RPTOR: variants seen among roughly 807,000 people sequenced by gnomAD.
RPTOR encodes the protein regulatory-associated protein of mTOR.
Under a neutral mutation model 169.9 loss-of-function variants are expected in RPTOR, and 21 were observed. The ratio of observed to expected loss-of-function variants is 0.12; its 90% CI spans 0.09 to 0.18. The LOEUF (loss-of-function observed/expected upper bound fraction) is 0.18, where lower values mean the gene tolerates loss of function less well. Ranked by LOEUF, RPTOR falls within the 10% of genes least tolerant of loss-of-function variation. The pLI, the probability that RPTOR is intolerant of heterozygous loss-of-function variation, is 1.00. For missense variants in RPTOR, 1,133 were observed against 1,855.9 expected, an observed-to-expected ratio of 0.61 and a Z score of 7.16; for synonymous variants, 732 against 753.2, an observed-to-expected ratio of 0.97 and a Z score of 0.46.
chr17:80,803,304 T>C lies in RPTOR; in HGVS notation c.890+11795T>C, dbSNP rs1026082261. On this transcript the variant is annotated intron_variant, in intron 7 of 33. Transcript: ENST00000306801. The surrounding 1 kb of genome is among the most constrained non-coding windows in gnomAD (Gnocchi z 6.2). ...CTTCTGGAAACCGAGGCAAGGGAGG[T>C]GGAGAGACTTGCTCAGGGTCACAGA... is the stretch of plus-strand genomic sequence containing the variant. 1 of 151,908 alleles carries C rather than the reference T, an allele frequency of 6.6e-6. No individual in the cohort carries two copies. The highest frequency in any genetic ancestry group is 1.5e-5 in the Non-Finnish European group (1 of 68,046). The allele number at this position is 151,908 out of a possible 1,614,324, so 9.4% of individuals were successfully genotyped here.
rs1274579844 is a variant in RPTOR at position 80,633,959 on chromosome 17, G to T, written c.265+8166G>T. Among the ~76,000 whole-genome samples, 2 of 152,188 alleles carry T rather than the reference G, an allele frequency of 1.3e-5. No individual in the cohort carries two copies. Among genetic ancestry groups the T allele is most frequent in the Non-Finnish European group, 2.9e-5 (2 of 68,032 alleles). ...GCCTCATTCCTCTTAGTGGAATGTG[G>T]TGTTAGAAACTGAGATCTGGGTGCC... On this transcript the variant is annotated intron_variant, in intron 2 of 33. Coordinates refer to ENST00000306801, the MANE Select transcript of RPTOR (RefSeq NM_020761.3). The surrounding 1 kb of genome is among the most constrained non-coding windows in gnomAD (Gnocchi z 4.1).
rs564749599 is a variant in RPTOR, at chr17:80,633,983, C to T, written c.265+8190C>T. Among the ~76,000 whole-genome samples, 41 of 152,228 alleles carry T rather than the reference C, an allele frequency of 2.7e-4. No individual in the cohort carries two copies. The highest frequency in any genetic ancestry group is 9.4e-4 in the African/African-American group (39 of 41,550). On this transcript the variant is annotated intron_variant, in intron 2 of 33. Coordinates refer to ENST00000306801, the MANE Select transcript of RPTOR (RefSeq NM_020761.3). The surrounding 1 kb of genome is among the most constrained non-coding windows in gnomAD (Gnocchi z 4.1). ...GGTGTTAGAAACTGAGATCTGGGTG[C>T]CAGGTGTTCTCTTTGAACTGGCGTG... is the stretch of plus-strand genomic sequence containing the variant.
chr17:80,818,386 A>G (rs961338159), intron 7 of RPTOR, among the ~76,000 whole-genome samples: 7 of 152,176 alleles, frequency 4.6e-5, no homozygotes, highest in Non-Finnish European at 8.8e-5. Context: ...CTAGAATGAA[A>G]CATGGTCTGA....
intron 2 of RPTOR, among the ~76,000 whole-genome samples, chr17:80,638,505 G>A (rs111854658): frequency 0.012 from 1,769 of 148,820 alleles, 37 homozygotes; most frequent in African/African-American, 0.042. Flanking sequence ...GGACTCAAGC[G>A]ATCCTCCCAC....
In RPTOR at chr17:80,880,284, A is replaced by G. The variant is rs951525367; in HGVS notation, c.1510-131A>G. Reference sequence around the variant, plus strand: ...GGCTGCAGCTGTTTTTCAAATGAAAACTGGGCTTGAAAGGAGGAAATAATT... The same window carrying G: ...GGCTGCAGCTGTTTTTCAAATGAAAGCTGGGCTTGAAAGGAGGAAATAATT... On this transcript the variant is annotated intron_variant, in intron 13 of 33. Coordinates refer to ENST00000306801, the MANE Select transcript of RPTOR (RefSeq NM_020761.3). 6.5e-6 allele frequency: 5 copies of G among 766,486 alleles called. No individual in the cohort carries two copies. The Admixed American group carries it at 1.0e-4, about 15-fold the overall frequency. The allele number at this position is 766,486 out of a possible 1,614,324, so 47.5% of individuals were successfully genotyped here.
At position 80,923,533 on chromosome 17, in the gene RPTOR, A is replaced by G. The variant is rs777941330; in HGVS notation, c.2668A>G (p.Asn890Asp). The G allele has an allele frequency of 1.9e-6, 3 of 1,613,304 alleles. No individual in the cohort carries two copies. The Admixed American group carries it at 5.0e-5, about 27-fold the overall frequency. The stretch of plus-strand genomic sequence containing the variant: ...CAGCACCAGCAGCTCCAGCCTGACC[A>G]ACGATGTGGCCAAGCAGCCGGTCAG... Reference protein sequence around the residue: ...ASSTSSSSLTNDVAKQPVSRD... With the variant: ...ASSTSSSSLTDDVAKQPVSRD... The change falls in exon 23 of 34, where the codon AAC (asparagine) becomes GAC (aspartate). Residue 890 changes from asparagine (N) to aspartate (D), a missense_variant. Asn to Asp is a conservative substitution (Grantham distance 23). This residue lies in a region of RPTOR where 123 missense variants were observed against 129.0 expected (regional missense o/e 0.95). Coordinates refer to ENST00000306801, the MANE Select transcript of RPTOR (RefSeq NM_020761.3).
At chr17:80,897,823 G>T (rs1484699364) in intron 20 of RPTOR, among the ~76,000 whole-genome samples, 1 of 152,204 alleles carries the variant, frequency 6.6e-6, no homozygotes, top group Non-Finnish European at 1.5e-5. Flanking sequence ...AATTCGGGCA[G>T]CAGAGGTTGC....
chr17:80,550,150 A>G (rs553423243), intron 1 of RPTOR, among the ~76,000 whole-genome samples: 2 of 152,244 alleles, frequency 1.3e-5, no homozygotes, highest in Admixed American at 1.3e-4. Context: ...CGTCCTCTCC[A>G]CATTCCAACT....
intron 4 of RPTOR, among the ~76,000 whole-genome samples, chr17:80,722,162 T>C (rs1462072326): frequency 6.6e-6 from 1 of 151,244 alleles, no homozygotes; most frequent in East Asian, 1.9e-4. Flanking sequence ...GGCACGTTCT[T>C]GGCATGTTGC....
intron 1 of RPTOR, among the ~76,000 whole-genome samples, chr17:80,583,417 C>T (rs1312851106): frequency 6.6e-6 from 1 of 152,146 alleles, no homozygotes; most frequent in Admixed American, 6.5e-5. Flanking sequence ...TCCCAAACTC[C>T]TGACCTCAAG....
At chr17:80,910,983 A>G (rs2068605834) in intron 21 of RPTOR, among the ~76,000 whole-genome samples, 1 of 151,780 alleles carries the variant, frequency 6.6e-6, no homozygotes, top group African/African-American at 2.4e-5. Flanking sequence ...GGCGTGAGCC[A>G]CCACACCCGG....
At chr17:80,881,831 A>C (rs2143833771) in intron 14 of RPTOR, among the ~76,000 whole-genome samples, 2 of 152,328 alleles carry the variant, frequency 1.3e-5, no homozygotes, top group South Asian at 4.1e-4. Context: ...CCACTCAATA[A>C]ATAAATAATA....
chr17:80,893,622 A>G, intron 19 of RPTOR, 85 bp from the exon 20 acceptor site: 2 of 1,492,340 alleles, frequency 1.3e-6, no homozygotes, highest in Admixed American at 2.1e-5. Context: ...TTAGAAGAAA[A>G]TATGTATCTC....
At chr17:80,716,825 T>C (rs55737346) in intron 4 of RPTOR, among the ~76,000 whole-genome samples, 3,802 of 152,244 alleles carry the variant, frequency 0.025, 66 homozygotes, top group Non-Finnish European at 0.04. Context: ...TTGTAAAGGG[T>C]GTCTTTTCCC....
At chr17:80,893,393 A>AGG (rs1394001888) in intron 19 of RPTOR, among the ~76,000 whole-genome samples, 3 of 100,882 alleles carry the variant, frequency 3.0e-5, no homozygotes, top group Non-Finnish European at 5.6e-5. Context: ...TGTGCATGCC[A>AGG]GGGTGTGTGT....
intron 7 of RPTOR, among the ~76,000 whole-genome samples, chr17:80,809,968 C>T (rs58432666): frequency 0.079 from 12,038 of 151,984 alleles, 672 homozygotes; most frequent in African/African-American, 0.16. Context: ...ACCCGGGAGG[C>T]GGACGTTGAG....
At position 80,633,135 on chromosome 17, in the gene RPTOR, A is replaced by G. The variant is rs1359750085; in HGVS notation, c.265+7342A>G. On this transcript the variant is annotated intron_variant, in intron 2 of 33. Transcript: ENST00000306801. The surrounding 1 kb of genome is among the most constrained non-coding windows in gnomAD (Gnocchi z 4.1). The stretch of plus-strand genomic sequence containing the variant: ...TGAAAAAAAAGTTCCAAAAGTTGCA[A>G]GTATAGTACTAAGCTGTTTCCTTTC... Among the ~76,000 whole-genome samples the G allele has an allele frequency of 5.3e-5, 8 of 152,204 alleles. No individual in the cohort carries two copies. The highest frequency in any genetic ancestry group is 1.2e-4 in the Non-Finnish European group (8 of 68,028).
chr17:80,864,947 C>T (rs2067969925), intron 13 of RPTOR, among the ~76,000 whole-genome samples: 2 of 152,250 alleles, frequency 1.3e-5, no homozygotes. Context: ...CCTGCCTCAG[C>T]CTCCCGAGTA....
chr17:80,744,934 G>GCCCTGGTTACTAGCAC (rs1567889600), intron 5 of RPTOR, among the ~76,000 whole-genome samples: 10 of 33,288 alleles, frequency 3.0e-4, no homozygotes, highest in South Asian at 1.0e-3. Context: ...GTTACTAGCA[G>GCCCTGGTTACTAGCAC]AGCCCTGGTT....
Sources: allele counts gnomAD v4.1 joint callset (sites outside exome capture counted in the v4.1 genomes callset), GRCh38; gene constraint gnomAD v4.1.1; regional missense constraint gnomAD v4.1.1; non-coding constraint Gnocchi (gnomAD v3.1); transcripts MANE v1.5; gene names NCBI Gene and HGNC (gene_info 2026-07-23, HGNC 2026-07-21).